The following ACSF3 variants were observed in gnomAD, a reference collection of about 807,000 sequenced individuals.
The protein encoded by ACSF3 is malonate--CoA ligase ACSF3, mitochondrial.
A neutral mutation model predicts 53.2 loss-of-function variants in ACSF3; 78 were observed. That is an observed-to-expected ratio of 1.47 (90% CI 1.22 to 1.77). The LOEUF is 1.77. Among genes scored for constraint, ACSF3 ranks in the 40% most tolerant of loss-of-function variants. ACSF3 has a pLI of 0.00. For missense variants in ACSF3, 937 were observed against 771.1 expected (o/e 1.22, Z -2.55); for synonymous variants, 414 against 333.1 (o/e 1.24, Z -2.65).
chr16:89,119,347 C>G lies in ACSF3; in HGVS notation c.1127-1454C>G, dbSNP rs1168265162. Among the ~76,000 whole-genome samples the G allele has an allele frequency of 5.9e-5, 9 of 152,324 alleles. No homozygotes were observed. The South Asian group carries it at 6.2e-4, about 11-fold the overall frequency. ...AGGCGAAAGGCCGCCTGTGATGGTC[C>G]TCTTCTTATGAAACGCCCAGAACAG... On this transcript the variant is annotated intron_variant, in intron 6 of 10. Coordinates refer to ENST00000614302, the MANE Select transcript of ACSF3 (RefSeq NM_001243279.3).
intron 6 of ACSF3, among the ~76,000 whole-genome samples, chr16:89,120,008 C>G (rs961412940): frequency 3.3e-5 from 5 of 152,234 alleles, no homozygotes; most frequent in Non-Finnish European, 5.9e-5. Context: ...CTGCTCTGCC[C>G]CTAGGTCATG....
At chr16:89,101,673 G>A (rs923448910) in intron 3 of ACSF3, among the ~76,000 whole-genome samples, 1 of 152,214 alleles carries the variant, frequency 6.6e-6, no homozygotes, top group Non-Finnish European at 1.5e-5. Context: ...CCAGCCACGT[G>A]TTAGGATGCG....
chr16:89,131,127 C>CTTTTTTTTTTTTTTTTTTTTTTT lies in ACSF3; in HGVS notation c.1240-2007_1240-1985dup, dbSNP rs558773398. On this transcript the variant is annotated intron_variant, in intron 7 of 10. Coordinates refer to ENST00000614302, the MANE Select transcript of ACSF3 (RefSeq NM_001243279.3). Reference sequence around the variant, plus strand: ...TTTCTTTCTTTTTCTTTTTCTTTTTCTTTTTTTTTTTTTTTTTTTTTTTTG... The same window carrying CTTTTTTTTTTTTTTTTTTTTTTT: ...TTTCTTTCTTTTTCTTTTTCTTTTTCTTTTTTTTTTTTTTTTTTTTTTTTTTTTTTTTTTTTTTTTTTTTTTTG... 1.1e-3 allele frequency among the ~76,000 whole-genome samples: 74 copies of CTTTTTTTTTTTTTTTTTTTTTTT among 69,568 alleles called. 2 individuals are homozygous for CTTTTTTTTTTTTTTTTTTTTTTT. The highest frequency in any genetic ancestry group is 1.4e-3 in the Non-Finnish European group (53 of 38,888). The allele number at this position is 69,568 out of a possible 152,430, so 45.6% of individuals were successfully genotyped here.
At chr16:89,130,745 CT>C (rs1307036137) in intron 7 of ACSF3, among the ~76,000 whole-genome samples, 1 of 152,136 alleles carries the variant, frequency 6.6e-6, no homozygotes, top group Non-Finnish European at 1.5e-5. Flanking sequence ...CTCTCAGCTT[CT>C]TTAGTTTATA....
rs749751646 is a variant in ACSF3 at position 89,101,304 on chromosome 16, G to C, written c.623G>C (p.Arg208Thr). The change falls in exon 3 of 11, where the codon AGG (arginine) becomes ACG (threonine). Residue 208 changes from arginine (R) to threonine (T), a missense_variant. Arg to Thr is a moderately conservative substitution (Grantham distance 71). Coordinates refer to ENST00000614302, the MANE Select transcript of ACSF3 (RefSeq NM_001243279.3). ...ATCTACACCAGTGGGACCACGGGGA[G>C]GCCCAAGGGCGTGCTGAGCACGCAC... Reference protein sequence around the residue: ...MIIYTSGTTGRPKGVLSTHQN... With the variant: ...MIIYTSGTTGTPKGVLSTHQN... The C allele has an allele frequency of 6.2e-7, 1 of 1,601,630 alleles. No homozygotes were observed.
chr16:89,133,401 G>A (rs1394289625), intron 8 of ACSF3, 139 bp downstream of exon 8: 9 of 1,194,108 alleles, frequency 7.5e-6, no homozygotes, highest in Non-Finnish European at 1.1e-5. Flanking sequence ...GAGTGGGGCT[G>A]GGGGCCACTG....
intron 8 of ACSF3, chr16:89,141,366 G>A: frequency 5.7e-6 from 7 of 1,228,566 alleles, no homozygotes; most frequent in Non-Finnish European, 7.5e-6. Context: ...CTAGAACAAA[G>A]CCTGACATGT....
Position 89,120,910 on chromosome 16 carries a change from C to A in ACSF3, c.1236C>A (p.Thr412=). ...TIHAEGDERG[T]KVTPGFEEKE... ...ACGCAGAGGGAGACGAGAGGGGGACCAAGGTAAGCCACTCTGCTCTTGGCA... is the reference window on the plus strand; with the variant it reads ...ACGCAGAGGGAGACGAGAGGGGGACAAAGGTAAGCCACTCTGCTCTTGGCA... The change falls in exon 7 of 11, where the codon ACC becomes ACA. Residue 412 remains threonine, a synonymous_variant. Transcript: ENST00000614302. 3 of 1,613,532 alleles carry A rather than the reference C, an allele frequency of 1.9e-6. No individual in the cohort carries two copies. Among genetic ancestry groups the A allele is most frequent in the Non-Finnish European group, 8.5e-7 (1 of 1,179,724 alleles).
In ACSF3 at chr16:89,146,524, G is replaced by A. The variant is rs559954572; in HGVS notation, c.1613+475G>A. Among the ~76,000 whole-genome samples the A allele has an allele frequency of 5.3e-4, 81 of 152,296 alleles. 1 individual carries two copies. Among genetic ancestry groups the A allele is most frequent in the African/African-American group, 1.3e-3 (52 of 41,558 alleles). On this transcript the variant is annotated intron_variant, in intron 10 of 10. Coordinates refer to ENST00000614302, the MANE Select transcript of ACSF3 (RefSeq NM_001243279.3). ...GAACTGCAAGGCCCACCCATTCTCCGTCGGCACCTGCACGGCCTCTCCCTC... is the reference window on the plus strand; with the variant it reads ...GAACTGCAAGGCCCACCCATTCTCCATCGGCACCTGCACGGCCTCTCCCTC...
chr16:89,151,107 C>T (rs943886080), intron 10 of ACSF3: 37 of 1,183,702 alleles, frequency 3.1e-5, no homozygotes, highest in East Asian at 5.7e-5. Context: ...CTCAGGCATG[C>T]GGGCTCTGAC....
intron 1 of ACSF3, among the ~76,000 whole-genome samples, chr16:89,096,585 A>G (rs977975412): frequency 1.3e-4 from 20 of 152,302 alleles, no homozygotes; most frequent in Non-Finnish European, 2.1e-4. Flanking sequence ...CGTTTTCCAC[A>G]TGCTTGGTGG....
At position 89,133,035 on chromosome 16, in the gene ACSF3, G is replaced by A; in HGVS notation, c.1240-101G>A. On this transcript the variant is annotated intron_variant, in intron 7 of 10. Coordinates refer to ENST00000614302, the MANE Select transcript of ACSF3 (RefSeq NM_001243279.3). ...CAGTTTCAGAAAGCACGCGGCCCTG[G>A]GTGGGCCCTGGGTGGGCAGGGAGCA... 8 of 1,547,834 alleles carry A rather than the reference G, an allele frequency of 5.2e-6. No homozygotes were observed. The Middle Eastern group carries it at 1.4e-3, about 267-fold the overall frequency.
At chr16:89,097,266 C>G (rs544044093) in intron 1 of ACSF3, among the ~76,000 whole-genome samples, 1 of 152,218 alleles carries the variant, frequency 6.6e-6, no homozygotes, top group South Asian at 2.1e-4. Flanking sequence ...CTTTTCTGAG[C>G]AGCAGCTTTA....
intron 7 of ACSF3, among the ~76,000 whole-genome samples, chr16:89,132,260 C>G (rs1041105408): frequency 1.3e-5 from 2 of 152,236 alleles, no homozygotes. Flanking sequence ...TCCGGGGTCA[C>G]AGCCAGTCAC....
At chr16:89,124,205 A>G (rs1907419076) in intron 7 of ACSF3, among the ~76,000 whole-genome samples, 2 of 152,158 alleles carry the variant, frequency 1.3e-5, no homozygotes, top group African/African-American at 4.8e-5. Context: ...ACATAAATAC[A>G]GAAAAAAAGA....
chr16:89,101,475 C>A (rs145813479), intron 3 of ACSF3, 128 bp downstream of exon 3: 5 of 1,521,660 alleles, frequency 3.3e-6, no homozygotes, highest in Non-Finnish European at 4.4e-6. Flanking sequence ...ATCCTGCAGA[C>A]CCGTGTGAGA....
At chr16:89,109,242 A>G (rs1294448880) in intron 4 of ACSF3, among the ~76,000 whole-genome samples, 2 of 146,218 alleles carry the variant, frequency 1.4e-5, no homozygotes, top group Admixed American at 6.7e-5. Context: ...AAAAAAAAAA[A>G]AAAAAAAAGA....
chr16:89,108,551 C>T (rs544628969), intron 4 of ACSF3, among the ~76,000 whole-genome samples: 2 of 152,294 alleles, frequency 1.3e-5, no homozygotes, highest in African/African-American at 4.8e-5. Context: ...CATTTCCCCC[C>T]ATTCCCAGCC....
At chr16:89,115,811 C>T (rs563413427) in intron 6 of ACSF3, among the ~76,000 whole-genome samples, 1 of 152,290 alleles carries the variant, frequency 6.6e-6, no homozygotes, top group East Asian at 1.9e-4. Context: ...GCGTTGAGCA[C>T]CTCTTCCTGT....
Sources: gnomAD v4.1 joint callset for allele counts (sites outside exome capture counted in the v4.1 genomes callset) on GRCh38, gnomAD v4.1.1 for gene constraint, MANE v1.5 for transcripts, NCBI Gene and HGNC (gene_info 2026-07-23, HGNC 2026-07-21) for gene names.